SAMHD1: variants seen among roughly 807,000 people sequenced by gnomAD.
The protein encoded by SAMHD1 is deoxynucleoside triphosphate triphosphohydrolase SAMHD1.
In SAMHD1, 54 loss-of-function variants were observed where a neutral mutation model predicts 79.6. The observed-to-expected ratio is 0.68, with a 90% CI of 0.55 to 0.85. The LOEUF (loss-of-function observed/expected upper bound fraction) is 0.85. Ranked by LOEUF, SAMHD1 falls within the 40% of genes least tolerant of loss-of-function variation. The pLI, the probability that SAMHD1 is intolerant of heterozygous loss-of-function variation, is 0.00. For missense variants in SAMHD1, 663 were observed against 782.7 expected, an observed-to-expected ratio of 0.85 and a Z score of 1.82; for synonymous variants, 260 against 264.1, an observed-to-expected ratio of 0.98 and a Z score of 0.15.
chr20:36,920,557 A>G (rs1346654569), intron 6 of SAMHD1, among the ~76,000 whole-genome samples: 1 of 151,618 alleles, frequency 6.6e-6, no homozygotes, highest in Non-Finnish European at 1.5e-5. Context: ...ACTTGAGGTC[A>G]ACAGTACAAG....
At position 36,944,077 on chromosome 20, in the gene SAMHD1, CAA is replaced by C. The variant is rs542947370; in HGVS notation, c.275+2659_275+2660del. On this transcript the variant is annotated intron_variant, in intron 2 of 15. Coordinates refer to ENST00000646673, the MANE Select transcript of SAMHD1 (RefSeq NM_015474.4). Reference sequence around the variant, plus strand: ...TGAGTGACAGAGCAAGACTCCATCTCAAAAAAAAAAAAAAAAAAAAGAACTTT... The same window carrying C: ...TGAGTGACAGAGCAAGACTCCATCTCAAAAAAAAAAAAAAAAAAGAACTTT... Among the ~76,000 whole-genome samples the C allele has an allele frequency of 5.9e-3, 528 of 89,978 alleles. 3 individuals are homozygous for C. Among genetic ancestry groups the C allele is most frequent in the African/African-American group, 0.021 (503 of 24,178 alleles). The allele number at this position is 89,978 out of a possible 152,430, so 59.0% of individuals were successfully genotyped here.
chr20:36,910,866 T>C (rs1476738410), intron 11 of SAMHD1, among the ~76,000 whole-genome samples: 1 of 152,120 alleles, frequency 6.6e-6, no homozygotes, highest in Non-Finnish European at 1.5e-5. Context: ...GATGAAAGAT[T>C]CAGATAGGTC....
chr20:36,930,881 G>A lies in SAMHD1; in HGVS notation c.510-6C>T, dbSNP rs2063564297. 1 of 1,596,046 alleles carries A rather than the reference G, an allele frequency of 6.3e-7. No individual in the cohort carries two copies. The highest frequency in any genetic ancestry group is 1.1e-5 in the South Asian group (1 of 90,682). ...ATCCTGCTAGATACCCCACCCTGCAGAGCAAAAACACAAAAAGTCACTTTT... is the reference window on the plus strand; with the variant it reads ...ATCCTGCTAGATACCCCACCCTGCAAAGCAAAAACACAAAAAGTCACTTTT... On this transcript the variant is annotated splice_polypyrimidine_tract_variant and splice_region_variant and intron_variant, in intron 4 of 15. Transcript: ENST00000646673.
At chr20:36,934,049 A>G (rs2063584569) in intron 4 of SAMHD1, among the ~76,000 whole-genome samples, 1 of 151,816 alleles carries the variant, frequency 6.6e-6, no homozygotes, top group Admixed American at 6.6e-5. Context: ...CCATCTCAAA[A>G]AAAAAAAAAG....
rs111517237 is a variant in SAMHD1 at position 36,947,384 on chromosome 20, A to C, written c.209-580T>G. ...AGCACTCAATACTCTGATTTGGAAG[A>C]GGTGTGTGTGATTTGGAAGAGGTGT... is the stretch of plus-strand genomic sequence containing the variant. On this transcript the variant is annotated intron_variant, in intron 1 of 15. Transcript: ENST00000646673. Among the ~76,000 whole-genome samples the C allele has an allele frequency of 3.1e-4, 25 of 80,518 alleles. 1 individual carries two copies. Among genetic ancestry groups the C allele is most frequent in the African/African-American group, 1.4e-3 (24 of 16,892 alleles). The allele number at this position is 80,518 out of a possible 152,430, so 52.8% of individuals were successfully genotyped here.
At chr20:36,927,757 A>G (rs1419380959) in intron 5 of SAMHD1, among the ~76,000 whole-genome samples, 1 of 152,224 alleles carries the variant, frequency 6.6e-6, no homozygotes, top group Non-Finnish European at 1.5e-5. Flanking sequence ...TGGAAAAGTA[A>G]GCTCTCCATC....
At chr20:36,947,127 G>A (rs2063691532) in intron 1 of SAMHD1, 1 of 285,424 alleles carries the variant, frequency 3.5e-6, no homozygotes, top group Admixed American at 5.0e-5. Context: ...GCTTTGAGTT[G>A]GGGAGGGAAG....
At chr20:36,935,421 C>T (rs1326392827) in intron 3 of SAMHD1, 7 of 536,226 alleles carry the variant, frequency 1.3e-5, no homozygotes, top group African/African-American at 5.7e-5. Context: ...ATGTGAATAA[C>T]AGAAAAATAA....
chr20:36,919,245 T>C (rs931981232), intron 7 of SAMHD1, 119 bp downstream of exon 7: 6 of 924,574 alleles, frequency 6.5e-6, no homozygotes, highest in African/African-American at 5.0e-5. Context: ...AGTAGAAACA[T>C]AGAACTCATA....
chr20:36,899,937 TA>T (rs923228560), intron 13 of SAMHD1, among the ~76,000 whole-genome samples: 2 of 151,624 alleles, frequency 1.3e-5, no homozygotes, highest in African/African-American at 4.8e-5. Context: ...CAACTAAAAA[TA>T]CAAAAATTAG....
rs962672070 is a variant in SAMHD1 at position 36,916,769 on chromosome 20, G to T, written c.1015C>A (p.Arg339Ser). 2 of 1,613,760 alleles carry T rather than the reference G, an allele frequency of 1.2e-6. No homozygotes were observed. The highest frequency in any genetic ancestry group is 1.1e-5 in the South Asian group (1 of 91,066). Residue 339 changes from arginine to serine, a missense_variant, in exon 9 of 16, where the codon CGT (arginine) becomes AGT (serine). Physicochemically the swap from Arg to Ser is moderately radical, Grantham distance 110. Coordinates refer to ENST00000646673, the MANE Select transcript of SAMHD1 (RefSeq NM_015474.4). The part of the protein sequence containing the change: ...FDYKRFIKFA[R>S]VCEVDNELRI... ...AACTCATTGTCTACTTCACAGACAC[G>T]GGCAAACTTAATAAAGCGCTTGTAA...
chr20:36,907,539 C>CT (rs71186087), intron 11 of SAMHD1, among the ~76,000 whole-genome samples: 73,341 of 125,802 alleles, frequency 0.58, 22,000 homozygotes, highest in South Asian at 0.66. Context: ...ATAAAGATGA[C>CT]TTTTTTTTTT....
chr20:36,938,199 A>G (rs2063617067), intron 3 of SAMHD1, among the ~76,000 whole-genome samples: 1 of 152,166 alleles, frequency 6.6e-6, no homozygotes, highest in African/African-American at 2.4e-5. Flanking sequence ...AAATAGAAAG[A>G]ATAAAAGTGG....
At chr20:36,904,411 C>G (rs1201807376) in intron 12 of SAMHD1, 162 bp from the exon 13 acceptor site, 1 of 650,136 alleles carries the variant, frequency 1.5e-6, no homozygotes, top group African/African-American at 1.8e-5. Flanking sequence ...ACAAAGAGAG[C>G]ATTTTTGTAA....
chr20:36,940,196 G>T (rs1276128560), intron 3 of SAMHD1: 1 of 129,378 alleles, frequency 7.7e-6, no homozygotes, highest in Non-Finnish European at 1.6e-5. Context: ...GACAGAGAGA[G>T]ATTACATCTC....
intron 3 of SAMHD1, among the ~76,000 whole-genome samples, chr20:36,937,140 CAAA>C (rs11286688): frequency 3.9e-4 from 46 of 117,628 alleles, no homozygotes; most frequent in Admixed American, 4.4e-4. Context: ...GACTCTATCT[CAAA>C]AAAAAAAAAA....
intron 2 of SAMHD1, among the ~76,000 whole-genome samples, chr20:36,943,677 G>A (rs2063663092): frequency 6.6e-6 from 1 of 152,124 alleles, no homozygotes; most frequent in Admixed American, 6.6e-5. Context: ...TGAAAAGAAA[G>A]ACTGTATTAG....
At chr20:36,899,437 A>AT (rs1412807139) in intron 13 of SAMHD1, among the ~76,000 whole-genome samples, 2 of 152,118 alleles carry the variant, frequency 1.3e-5, no homozygotes, top group Non-Finnish European at 2.9e-5. Flanking sequence ...CCAAAAATAA[A>AT]TAAGTAAAGA....
rs1442578464 is a variant in SAMHD1 at position 36,892,915 on chromosome 20, C to T, written c.*17G>A. 3 of 1,613,806 alleles carry T rather than the reference C, an allele frequency of 1.9e-6. No homozygotes were observed. The highest frequency in any genetic ancestry group is 2.2e-5 in the East Asian group (1 of 44,878). On this transcript the variant is annotated 3_prime_UTR_variant, in exon 16 of 16. Transcript: ENST00000646673. Reference sequence around the variant, plus strand: ...TTGTGCAGGAGAGGGAGTTTGTAAACAACTGACTACAGACATTCACATTGG... The same window carrying T: ...TTGTGCAGGAGAGGGAGTTTGTAAATAACTGACTACAGACATTCACATTGG...
Sources: allele counts gnomAD v4.1 joint callset (sites outside exome capture counted in the v4.1 genomes callset), GRCh38; gene constraint gnomAD v4.1.1; transcripts MANE v1.5; gene names NCBI Gene and HGNC (gene_info 2026-07-23, HGNC 2026-07-21).